Variants in STARD13 observed in about 807,000 individuals in gnomAD.
The protein encoded by STARD13 is stAR-related lipid transfer protein 13.
A neutral mutation model predicts 106.4 loss-of-function variants in STARD13; 62 were observed. That is an observed-to-expected ratio of 0.58 (90% CI 0.48 to 0.72). The LOEUF is 0.72. Ranked by LOEUF, STARD13 falls within the 30% of genes least tolerant of loss-of-function variation. The pLI, the probability that STARD13 is intolerant of heterozygous loss-of-function variation, is 0.00. For synonymous variants in STARD13, 565 were observed against 553.0 expected (o/e 1.02, Z -0.31); for missense variants, 1,387 against 1,424.0 (o/e 0.97, Z 0.42).
At chr13:33,410,001 T>C in the STARD13 span, among the ~76,000 whole-genome samples, 15 of 152,232 alleles carry the variant, frequency 9.9e-5, no homozygotes, top group African/African-American at 3.4e-4. Context: ...TATCCTCCCT[T>C]CCCTGGTCTG....
chr13:33,512,044 A>G, the STARD13 span, among the ~76,000 whole-genome samples: 3 of 152,200 alleles, frequency 2.0e-5, no homozygotes, highest in Admixed American at 6.5e-5. Flanking sequence ...GGAAGGAGAC[A>G]CAGGCTGTTT....
intron 1 of STARD13, among the ~76,000 whole-genome samples, chr13:33,308,743 C>T (rs986702215): frequency 1.3e-5 from 2 of 152,178 alleles, no homozygotes; most frequent in East Asian, 1.9e-4. Context: ...AGCCTGGTCT[C>T]GAACTCCTGA....
intron 1 of STARD13, among the ~76,000 whole-genome samples, chr13:33,295,836 T>C (rs1218061613): frequency 6.6e-6 from 1 of 152,094 alleles, no homozygotes; most frequent in African/African-American, 2.4e-5. Context: ...GGGGAAAAGA[T>C]GCCCATGAAG....
intron 1 of STARD13, among the ~76,000 whole-genome samples, chr13:33,312,345 G>A (rs997733812): frequency 8.5e-5 from 13 of 152,154 alleles, no homozygotes; most frequent in African/African-American, 3.1e-4. Context: ...CCTAGCTGGG[G>A]AAGATAGTCT....
chr13:33,305,945 T>C (rs1566129378), intron 1 of STARD13, among the ~76,000 whole-genome samples: 1 of 152,180 alleles, frequency 6.6e-6, no homozygotes, highest in East Asian at 1.9e-4. Flanking sequence ...TAAACTACCA[T>C]TGACATTCTT....
At chr13:33,385,242 T>C in the STARD13 span, among the ~76,000 whole-genome samples, 3 of 125,516 alleles carry the variant, frequency 2.4e-5, no homozygotes, top group Non-Finnish European at 4.9e-5. Context: ...TATATATATA[T>C]ATATATATAT....
At chr13:33,602,333 C>T in the STARD13 span, among the ~76,000 whole-genome samples, 20 of 152,204 alleles carry the variant, frequency 1.3e-4, no homozygotes, top group Admixed American at 9.2e-4. Flanking sequence ...CCTCGTGATC[C>T]GCCTGCCTTG....
the STARD13 span, among the ~76,000 whole-genome samples, chr13:33,438,606 C>T: frequency 2.6e-5 from 4 of 152,206 alleles, no homozygotes; most frequent in East Asian, 1.9e-4. Context: ...CTGATAGGTT[C>T]GGCACACTCA....
intron 1 of STARD13, among the ~76,000 whole-genome samples, chr13:33,195,691 A>T (rs539571319): frequency 5.7e-4 from 87 of 152,308 alleles, no homozygotes; most frequent in African/African-American, 2.0e-3. Context: ...TTAGTTCTTT[A>T]GACACAAGAA....
At chr13:33,472,312 T>C in the STARD13 span, among the ~76,000 whole-genome samples, 1 of 152,188 alleles carries the variant, frequency 6.6e-6, no homozygotes, top group Admixed American at 6.6e-5. Flanking sequence ...TTTTAATTTT[T>C]AATTTTTGAG....
chr13:33,439,713 A>T, the STARD13 span: 3 of 1,258,982 alleles, frequency 2.4e-6, no homozygotes, highest in African/African-American at 3.1e-5. Context: ...TGGGTCTGTT[A>T]TCAGAGAGCA....
the STARD13 span, among the ~76,000 whole-genome samples, chr13:33,457,861 A>G: frequency 1.3e-5 from 2 of 152,186 alleles, no homozygotes; most frequent in African/African-American, 4.8e-5. Context: ...ATTTCAACAT[A>G]TGAATTTTGA....
At position 33,258,165 on chromosome 13, in the gene STARD13, C is replaced by CA. The variant is rs1890460856; in HGVS notation, c.169+27304dup. The stretch of plus-strand genomic sequence containing the variant: ...TCTCCTTCTAGCTACACAATTTACA[C>CA]AAAGCATCTTCCTCTGGCTTGATCG... On this transcript the variant is annotated intron_variant, in intron 1 of 13. Coordinates refer to ENST00000336934, the MANE Select transcript of STARD13 (RefSeq NM_178006.4). Among the ~76,000 whole-genome samples the CA allele has an allele frequency of 2.6e-5, 4 of 152,200 alleles. No homozygotes were observed. The South Asian group carries it at 8.3e-4, about 31-fold the overall frequency.
At chr13:33,473,245 C>A in the STARD13 span, among the ~76,000 whole-genome samples, 1 of 152,118 alleles carries the variant, frequency 6.6e-6, no homozygotes, top group Non-Finnish European at 1.5e-5. Flanking sequence ...TCTATGAAGG[C>A]CCTATAATGG....
the STARD13 span, among the ~76,000 whole-genome samples, chr13:33,584,408 C>A: frequency 2.0e-5 from 3 of 151,926 alleles, no homozygotes; most frequent in Non-Finnish European, 4.4e-5. Flanking sequence ...CACTTTTAAA[C>A]AGCTGAATCT....
chr13:33,394,568 C>T, the STARD13 span, among the ~76,000 whole-genome samples: 2 of 152,106 alleles, frequency 1.3e-5, no homozygotes, highest in African/African-American at 4.8e-5. Flanking sequence ...TATGTAATTA[C>T]GCCAGAGGAT....
rs528107621 is a variant in STARD13, at chr13:33,130,755, T to G, written c.388-466A>C. On this transcript the variant is annotated intron_variant, in intron 4 of 13. Transcript: ENST00000336934. This position sits in a 1 kb window ranked among gnomAD's most constrained non-coding sequence, Gnocchi z 4.1. ...ATATTTCCAGCTTGCCCCATCTGAA[T>G]CTCAGCTTCAGTATATCTCAAAGCT... Among the ~76,000 whole-genome samples the G allele has an allele frequency of 6.6e-6, 1 of 152,196 alleles. No homozygotes were observed. The highest frequency in any genetic ancestry group is 6.5e-5 in the Admixed American group (1 of 15,280).
At chr13:33,489,224 A>G in the STARD13 span, among the ~76,000 whole-genome samples, 10 of 152,244 alleles carry the variant, frequency 6.6e-5, no homozygotes, top group Admixed American at 3.9e-4. Flanking sequence ...TTGCTAATAA[A>G]AAAAGATCAA....
the STARD13 span, among the ~76,000 whole-genome samples, chr13:33,626,768 A>G: frequency 2.0e-5 from 3 of 152,208 alleles, no homozygotes; most frequent in Non-Finnish European, 4.4e-5. Flanking sequence ...AAGAAAGAGT[A>G]TGAATTAATC....
Sources: gnomAD v4.1 joint callset for allele counts (sites outside exome capture counted in the v4.1 genomes callset) on GRCh38, gnomAD v4.1.1 for gene constraint, Gnocchi (gnomAD v3.1) non-coding constraint, MANE v1.5 for transcripts, NCBI Gene and HGNC (gene_info 2026-07-23, HGNC 2026-07-21) for gene names.